Variants in SH3YL1 observed in about 807,000 individuals in gnomAD.
The protein encoded by SH3YL1 is SH3 domain-containing YSC84-like protein 1.
Under a neutral mutation model 45.8 loss-of-function variants are expected in SH3YL1, and 41 were observed. That is an observed-to-expected ratio of 0.89 (90% CI 0.70 to 1.16). The LOEUF (loss-of-function observed/expected upper bound fraction) is 1.16. Ranked by LOEUF, SH3YL1 falls within the 50% of genes most tolerant of loss-of-function variation. The probability of loss-of-function intolerance (pLI) is 0.00; values close to 1 mark genes in which losing one functional copy is unlikely to be tolerated. For synonymous variants in SH3YL1, 152 were observed against 151.4 expected (o/e 1.00, Z -0.03); for missense variants, 389 against 409.6 (o/e 0.95, Z 0.43).
chr2:228,209 C>T (rs895429103), intron 8 of SH3YL1, among the ~76,000 whole-genome samples: 4 of 152,080 alleles, frequency 2.6e-5, no homozygotes, highest in Admixed American at 6.5e-5. Context: ...ACCTGTCCAC[C>T]GGCAGGGACA....
rs1292643668 is a variant in SH3YL1 at position 219,014 on chromosome 2, A to G, written c.839-13T>C. 3 of 1,599,344 alleles carry G rather than the reference A, an allele frequency of 1.9e-6. No homozygotes were observed. In the African/African-American group the frequency reaches 4.0e-5, roughly 22 times the overall value. On this transcript the variant is annotated splice_polypyrimidine_tract_variant and intron_variant, in intron 9 of 9. Coordinates refer to ENST00000356150, the MANE Select transcript of SH3YL1 (RefSeq NM_015677.4). ...TGATTCAAATTGCCTGAAACAAGAA[A>G]AAAGTATTCACGTTTATGTTCTTTA...
chr2:231,317 CTT>C (rs1366973048), intron 6 of SH3YL1, 126 bp from the exon 7 acceptor site: 1 of 710,068 alleles, frequency 1.4e-6, no homozygotes, highest in African/African-American at 1.8e-5. Flanking sequence ...ATATACACTA[CTT>C]TTTAAACACT....
chr2:242,884 C>A, intron 4 of SH3YL1: 3 of 1,455,678 alleles, frequency 2.1e-6, no homozygotes, highest in Admixed American at 5.7e-5. Flanking sequence ...TTATATCAAA[C>A]AACAAAAAAT....
At chr2:252,566 C>G (rs1669116474) in intron 2 of SH3YL1, among the ~76,000 whole-genome samples, 1 of 152,058 alleles carries the variant, frequency 6.6e-6, no homozygotes, top group Non-Finnish European at 1.5e-5. Flanking sequence ...AGTAGCAAGG[C>G]CTTATGATGA....
chr2:249,988 C>G (rs779371729), intron 2 of SH3YL1, 144 bp from the exon 3 acceptor site: 1 of 612,496 alleles, frequency 1.6e-6, no homozygotes, highest in Non-Finnish European at 2.9e-6. Flanking sequence ...AAGTCAGTCA[C>G]TCAACAGATG....
chr2:229,396 GA>G (rs1381248957), intron 8 of SH3YL1, among the ~76,000 whole-genome samples: 1 of 152,206 alleles, frequency 6.6e-6, no homozygotes, highest in Non-Finnish European at 1.5e-5. Flanking sequence ...GAAAATAAAT[GA>G]GAAAACCTTT....
chr2:257,338 T>G (rs1448985900), intron 1 of SH3YL1, among the ~76,000 whole-genome samples: 2 of 152,240 alleles, frequency 1.3e-5, no homozygotes, highest in Non-Finnish European at 2.9e-5. Flanking sequence ...TTTCCTAGCT[T>G]ATCTTCCAGA....
intron 1 of SH3YL1, chr2:256,021 T>C (rs1345961971): frequency 6.6e-6 from 1 of 152,210 alleles, no homozygotes; most frequent in Non-Finnish European, 1.5e-5. Flanking sequence ...TCAGTGTGCA[T>C]GGACAGAGGT....
intron 9 of SH3YL1, among the ~76,000 whole-genome samples, chr2:219,636 G>A (rs549458632): frequency 6.6e-6 from 1 of 152,244 alleles, no homozygotes; most frequent in South Asian, 2.1e-4. Flanking sequence ...AGCTGGAAGG[G>A]GCCAAGATAG....
At chr2:263,875 C>T in intron 1 of SH3YL1, 109 bp downstream of exon 1, 1 of 929,772 alleles carries the variant, frequency 1.1e-6, no homozygotes, top group Non-Finnish European at 1.7e-6. Flanking sequence ...AGACGCGCGA[C>T]CTAGAAACCC....
chr2:238,335 T>G (rs1668397337), intron 4 of SH3YL1, among the ~76,000 whole-genome samples: 1 of 150,642 alleles, frequency 6.6e-6, no homozygotes, highest in Non-Finnish European at 1.5e-5. Context: ...AAACCAAGCT[T>G]AAGTGGAGCG....
At chr2:219,098 T>G (rs1041456020) in intron 9 of SH3YL1, 97 bp from the exon 10 acceptor site, 9 of 926,886 alleles carry the variant, frequency 9.7e-6, no homozygotes, top group Non-Finnish European at 1.3e-5. Context: ...GGGCTTGGCA[T>G]GCTGATGTCT....
rs959625483 is a variant in SH3YL1 at position 231,118 on chromosome 2, G to T, written c.607C>A (p.Leu203Ile). The change falls in exon 7 of 10, where the codon CTT (leucine) becomes ATT (isoleucine). Residue 203 changes from leucine to isoleucine, a missense_variant. Leu to Ile is a conservative substitution (Grantham distance 5). Transcript: ENST00000356150. ...GTAAAGGAATCAAGAATTTCATAAAGATCTTCGGCTTGAGCAGGCCGCGGT... is the reference window on the plus strand; with the variant it reads ...GTAAAGGAATCAAGAATTTCATAAATATCTTCGGCTTGAGCAGGCCGCGGT... The part of the protein sequence containing the change: ...DTPRPAQAED[L>I]YEILDSFTEK... 1 of 1,614,072 alleles carries T rather than the reference G, an allele frequency of 6.2e-7. No individual in the cohort carries two copies. Among genetic ancestry groups the T allele is most frequent in the African/African-American group, 1.3e-5 (1 of 75,040 alleles).
intron 1 of SH3YL1, among the ~76,000 whole-genome samples, chr2:261,784 C>T (rs929952541): frequency 6.6e-6 from 1 of 152,122 alleles, no homozygotes; most frequent in African/African-American, 2.4e-5. Flanking sequence ...CCCAAGGGCC[C>T]CTCTCCACCA....
At chr2:253,557 A>G (rs1669173004) in intron 1 of SH3YL1, among the ~76,000 whole-genome samples, 1 of 152,214 alleles carries the variant, frequency 6.6e-6, no homozygotes, top group African/African-American at 2.4e-5. Context: ...TGGTCTAAAA[A>G]GGAGAGGACC....
chr2:243,431 T>C, intron 4 of SH3YL1: 1 of 1,399,274 alleles, frequency 7.1e-7, no homozygotes, highest in East Asian at 2.6e-5. Context: ...AAATAACAAA[T>C]GGCTCAAAGA....
rs73911038 is a variant in SH3YL1, at chr2:219,622, C to T, written c.839-621G>A. Among the ~76,000 whole-genome samples the T allele has an allele frequency of 5.3e-3, 800 of 152,216 alleles. 7 individuals are homozygous for T. The highest frequency in any genetic ancestry group is 0.018 in the African/African-American group (766 of 41,534). ...CTGCCCAGACTATGGTGTTTTGTTA[C>T]AGCAGCTGGAAGGGGCCAAGATAGT... On this transcript the variant is annotated intron_variant, in intron 9 of 9. Coordinates refer to ENST00000356150, the MANE Select transcript of SH3YL1 (RefSeq NM_015677.4).
At chr2:231,601 A>G (rs1247677253) in intron 6 of SH3YL1, among the ~76,000 whole-genome samples, 2 of 152,150 alleles carry the variant, frequency 1.3e-5, no homozygotes, top group African/African-American at 4.8e-5. Context: ...GTGGCTTTGT[A>G]ATTTCCTTAA....
Position 242,720 on chromosome 2 carries a change from A to C in SH3YL1, c.291+4818T>G. The C allele has an allele frequency of 9.9e-6, 14 of 1,416,102 alleles. No homozygotes were observed. In the South Asian group the frequency reaches 2.0e-4, roughly 20 times the overall value. 87.7% of individuals were successfully genotyped at this position (1,416,102 alleles called of 1,614,324 possible). ...AAAAAGGCAGAGATTATTAGCATGG[A>C]TAAAACAACAATAACAACAACAACA... On this transcript the variant is annotated intron_variant, in intron 4 of 9. Coordinates refer to ENST00000356150, the MANE Select transcript of SH3YL1 (RefSeq NM_015677.4).
Sources: allele counts gnomAD v4.1 joint callset (sites outside exome capture counted in the v4.1 genomes callset), GRCh38; gene constraint gnomAD v4.1.1; transcripts MANE v1.5; gene names NCBI Gene and HGNC (gene_info 2026-07-23, HGNC 2026-07-21).